The following FBXO3 variants were observed in gnomAD, a reference collection of about 807,000 sequenced individuals.
The protein encoded by FBXO3 is F-box protein 3.
In FBXO3, 17 loss-of-function variants were observed where a neutral mutation model predicts 64.8. The observed-to-expected ratio is 0.26, with a 90% CI of 0.18 to 0.39. The LOEUF is 0.39. FBXO3 is among the 10% of genes least tolerant of loss of function. The pLI is 1.00. For missense variants in FBXO3, 420 were observed against 589.9 expected, an observed-to-expected ratio of 0.71 and a Z score of 2.98; for synonymous variants, 182 against 201.6, an observed-to-expected ratio of 0.90 and a Z score of 0.82.
intron 7 of FBXO3, among the ~76,000 whole-genome samples, 185 bp from the exon 8 acceptor site, chr11:33,750,846 T>C (rs1411958869): frequency 6.6e-6 from 1 of 152,230 alleles, no homozygotes; most frequent in African/African-American, 2.4e-5. Context: ...AAAACCTTGG[T>C]GACTCTGGAT....
intron 5 of FBXO3, 106 bp downstream of exon 5, chr11:33,755,664 CA>C: frequency 1.2e-6 from 1 of 805,496 alleles, no homozygotes; most frequent in Non-Finnish European, 2.1e-6. Context: ...AACTAAAATG[CA>C]TAATATTCTA....
chr11:33,757,129 A>C, intron 4 of FBXO3: 1 of 515,576 alleles, frequency 1.9e-6, no homozygotes, highest in Non-Finnish European at 3.9e-6. Flanking sequence ...ACAGAGCCTC[A>C]CATGATTCTT....
At chr11:33,765,433 A>T (rs1468251306) in intron 3 of FBXO3, among the ~76,000 whole-genome samples, 1 of 152,250 alleles carries the variant, frequency 6.6e-6, no homozygotes, top group East Asian at 1.9e-4. Flanking sequence ...TGTAACATTA[A>T]CAAACTAAGA....
chr11:33,746,662 A>G, intron 10 of FBXO3: 2 of 1,068,392 alleles, frequency 1.9e-6, no homozygotes, highest in Non-Finnish European at 2.8e-6. Flanking sequence ...AACCCTAAAA[A>G]CGAGATTTTA....
intron 3 of FBXO3, among the ~76,000 whole-genome samples, chr11:33,761,456 G>A (rs755737208): frequency 3.9e-5 from 6 of 152,096 alleles, no homozygotes; most frequent in African/African-American, 9.7e-5. Context: ...AGGACTTTTC[G>A]TAATAACAAA....
intron 6 of FBXO3, among the ~76,000 whole-genome samples, chr11:33,752,938 A>G (rs968976561): frequency 3.3e-5 from 5 of 152,184 alleles, no homozygotes; most frequent in Non-Finnish European, 5.9e-5. Context: ...TGTATTCTTT[A>G]AGATGAGGAC....
intron 8 of FBXO3, among the ~76,000 whole-genome samples, chr11:33,750,161 T>C (rs1381958337): frequency 7.4e-6 from 1 of 134,242 alleles, no homozygotes; most frequent in African/African-American, 2.6e-5. Flanking sequence ...TACACATTTA[T>C]TAGATTTTTT....
chr11:33,746,797 G>T, intron 10 of FBXO3: 2 of 1,403,682 alleles, frequency 1.4e-6, no homozygotes, highest in Non-Finnish European at 9.2e-7. Flanking sequence ...TAAATTGGAA[G>T]TTTGAGCAAA....
intron 6 of FBXO3, chr11:33,753,815 A>C (rs1193628980): frequency 1.3e-5 from 2 of 152,240 alleles, no homozygotes; most frequent in Admixed American, 6.5e-5. Flanking sequence ...AGTACCCTTA[A>C]AAAGCAAAAT....
At chr11:33,757,669 A>AAAAAAAAAAAAAAAAAAAAAAAAAC (rs1855139533) in intron 4 of FBXO3, among the ~76,000 whole-genome samples, 1 of 143,022 alleles carries the variant, frequency 7.0e-6, no homozygotes, top group Admixed American at 6.9e-5. Context: ...AAAAAAAAAA[A>AAAAAAAAAAAAAAAAAAAAAAAAAC]AAAAAAAAAA....
intron 5 of FBXO3, 54 bp downstream of exon 5, chr11:33,755,717 A>C: frequency 7.5e-7 from 1 of 1,332,422 alleles, no homozygotes; most frequent in Non-Finnish European, 1.1e-6. Flanking sequence ...GCATGCATTT[A>C]TACAACCATC....
intron 4 of FBXO3, chr11:33,757,075 C>A: frequency 1.9e-6 from 1 of 518,774 alleles, no homozygotes; most frequent in Non-Finnish European, 3.8e-6. Context: ...ATGTGATCAC[C>A]TTTGGGATTC....
chr11:33,774,155 G>C, intron 1 of FBXO3: 1 of 470,828 alleles, frequency 2.1e-6, no homozygotes, highest in South Asian at 2.3e-5. Context: ...GCCTGGGAGA[G>C]AGATATCTCG....
chr11:33,764,783 G>A (rs1404630080), intron 3 of FBXO3, among the ~76,000 whole-genome samples: 2 of 152,104 alleles, frequency 1.3e-5, no homozygotes, highest in African/African-American at 4.8e-5. Flanking sequence ...AGACCAGCCT[G>A]GCCAACATGG....
intron 9 of FBXO3, 58 bp downstream of exon 9, chr11:33,748,719 A>T: frequency 5.5e-6 from 6 of 1,086,742 alleles, no homozygotes; most frequent in Non-Finnish European, 8.3e-6. Context: ...TTTAGGATGC[A>T]AAGTCTAACA....
At chr11:33,754,235 T>C in intron 6 of FBXO3, 1 of 447,934 alleles carries the variant, frequency 2.2e-6, no homozygotes, top group East Asian at 3.6e-5. Flanking sequence ...GAGCATGAGA[T>C]TGTATATGGA....
intron 3 of FBXO3, among the ~76,000 whole-genome samples, chr11:33,765,804 C>T (rs1304735659): frequency 6.6e-6 from 1 of 152,050 alleles, no homozygotes; most frequent in Admixed American, 6.6e-5. Flanking sequence ...GTGTGCCGTA[C>T]CTCCCCCTCT....
At chr11:33,764,367 T>G (rs7943459) in intron 3 of FBXO3, among the ~76,000 whole-genome samples, 26,185 of 152,164 alleles carry the variant, frequency 0.17, 2,431 homozygotes, top group Non-Finnish European at 0.2. Flanking sequence ...GGCTTCTAGG[T>G]ACAGATAATA....
At chr11:33,759,273 G>T (rs2901376) in intron 3 of FBXO3, among the ~76,000 whole-genome samples, 5 of 152,000 alleles carry the variant, frequency 3.3e-5, no homozygotes, top group African/African-American at 1.2e-4. Context: ...GAGACTGAGA[G>T]GTGGGCCAGG....
Sources: allele counts gnomAD v4.1 joint callset (sites outside exome capture counted in the v4.1 genomes callset), GRCh38; gene constraint gnomAD v4.1.1; transcripts MANE v1.5; gene names NCBI Gene and HGNC (gene_info 2026-07-23, HGNC 2026-07-21).